Variants in BACH2 observed in about 807,000 individuals in gnomAD.
BACH2 encodes BACH transcriptional regulator 2, also known as transcription regulator protein BACH2.
A neutral mutation model predicts 61.8 loss-of-function variants in BACH2; 5 were observed. The ratio of observed to expected loss-of-function variants is 0.08; its 90% CI spans 0.04 to 0.17. The LOEUF is 0.17. Among genes scored for constraint, BACH2 ranks in the 10% least tolerant of loss-of-function variants. The probability of loss-of-function intolerance (pLI) is 1.00; values close to 1 mark genes in which losing one functional copy is unlikely to be tolerated. For missense variants in BACH2, 824 were observed against 1,091.1 expected (o/e 0.76, Z 3.45); for synonymous variants, 446 against 440.1 (o/e 1.01, Z -0.17).
intron 5 of BACH2, among the ~76,000 whole-genome samples, chr6:90,015,347 CAGTTTCCTAAGGTGGT>C (rs902486959): frequency 6.6e-6 from 1 of 151,322 alleles, no homozygotes; most frequent in African/African-American, 2.4e-5. Context: ...TTTTCTTTTC[CAGTTTCCTAAGGTGGT>C]AGTTGAGCCC....
chr6:90,021,983 G>A (rs560391658), intron 5 of BACH2, among the ~76,000 whole-genome samples: 3 of 152,152 alleles, frequency 2.0e-5, no homozygotes, highest in Admixed American at 6.5e-5. Flanking sequence ...ACTTGCAATT[G>A]TATCATCAAA....
intron 6 of BACH2, among the ~76,000 whole-genome samples, chr6:89,969,995 ATAAAAATCCTCTTCTACAC>A (rs1775272830): frequency 6.6e-6 from 1 of 152,224 alleles, no homozygotes; most frequent in South Asian, 2.1e-4. Flanking sequence ...CTTGGAAAAA[ATAAAAATCCTCTTCTACAC>A]TAAAGTAGGA....
chr6:90,256,531 T>G (rs1770984526), intron 2 of BACH2, among the ~76,000 whole-genome samples: 2 of 152,168 alleles, frequency 1.3e-5, no homozygotes, highest in Admixed American at 1.3e-4. Context: ...TCACCTACCA[T>G]TCATCAACAC....
chr6:90,294,009 C>T (rs946382085), intron 1 of BACH2, among the ~76,000 whole-genome samples: 41 of 152,132 alleles, frequency 2.7e-4, no homozygotes, highest in African/African-American at 9.7e-4. Context: ...AAAGTGAATC[C>T]TGATCCCCTC....
chr6:90,081,468 A>G (rs923239272), intron 5 of BACH2, among the ~76,000 whole-genome samples: 5 of 152,176 alleles, frequency 3.3e-5, no homozygotes, highest in African/African-American at 1.2e-4. Flanking sequence ...AACACCCTTC[A>G]ATTGCTGTAG....
chr6:90,160,221 T>C (rs544409985), intron 4 of BACH2, among the ~76,000 whole-genome samples: 1 of 152,320 alleles, frequency 6.6e-6, no homozygotes, highest in East Asian at 1.9e-4. Flanking sequence ...CGTGAGGCCT[T>C]AGACAATACA....
At chr6:90,279,727 T>C (rs1771803264) in intron 1 of BACH2, among the ~76,000 whole-genome samples, 1 of 152,204 alleles carries the variant, frequency 6.6e-6, no homozygotes, top group Non-Finnish European at 1.5e-5. Context: ...CATGAGACGT[T>C]TTCTCCATTT....
At chr6:90,031,264 A>T (rs1354221425) in intron 5 of BACH2, among the ~76,000 whole-genome samples, 1 of 152,024 alleles carries the variant, frequency 6.6e-6, no homozygotes, top group Non-Finnish European at 1.5e-5. Flanking sequence ...ATGGGCAAAA[A>T]CTGGAAGCAT....
intron 3 of BACH2, among the ~76,000 whole-genome samples, chr6:90,233,993 A>T (rs1770182652): frequency 6.6e-6 from 1 of 152,282 alleles, no homozygotes; most frequent in East Asian, 1.9e-4. Context: ...TTTTCCTGTT[A>T]GTCTGAAGAG....
chr6:90,282,262 G>A (rs951004962), intron 1 of BACH2, among the ~76,000 whole-genome samples: 1 of 152,096 alleles, frequency 6.6e-6, no homozygotes, highest in Non-Finnish European at 1.5e-5. Flanking sequence ...CATCACTCAG[G>A]TATTAGGCCT....
At chr6:89,972,456 C>T (rs966264260) in intron 6 of BACH2, among the ~76,000 whole-genome samples, 5 of 152,152 alleles carry the variant, frequency 3.3e-5, no homozygotes, top group Non-Finnish European at 7.3e-5. Flanking sequence ...CATCATGTTG[C>T]TTCTAACTAA....
chr6:90,082,671 C>A (rs1781774086), intron 5 of BACH2, among the ~76,000 whole-genome samples: 1 of 152,110 alleles, frequency 6.6e-6, no homozygotes, highest in Non-Finnish European at 1.5e-5. Context: ...TTATCTCTAC[C>A]TTTATTCAAT....
At chr6:90,246,505 T>G (rs935027395) in intron 3 of BACH2, among the ~76,000 whole-genome samples, 1 of 152,140 alleles carries the variant, frequency 6.6e-6, no homozygotes, top group African/African-American at 2.4e-5. Flanking sequence ...TATTGATGTC[T>G]AATGTAGTAC....
intron 4 of BACH2, among the ~76,000 whole-genome samples, chr6:90,173,280 A>G (rs1767878987): frequency 6.6e-6 from 1 of 152,166 alleles, no homozygotes; most frequent in East Asian, 1.9e-4. Flanking sequence ...ACATCAACTG[A>G]ATATTTTACT....
At chr6:89,975,959 C>T (rs760370902) in intron 6 of BACH2, among the ~76,000 whole-genome samples, 14 of 152,160 alleles carry the variant, frequency 9.2e-5, no homozygotes, top group South Asian at 4.1e-4. Context: ...ACTGTGTCAG[C>T]GACAGACACA....
At position 90,248,968 on chromosome 6, in the gene BACH2, G is replaced by A. The variant is rs573837764; in HGVS notation, c.-275+3545C>T. 1.1e-4 allele frequency among the ~76,000 whole-genome samples: 16 copies of A among 152,232 alleles called. 1 individual carries two copies. The South Asian group carries it at 2.9e-3, about 28-fold the overall frequency. ...TCAAAAGAAGGAGTTAAAAATTTGGGAAGGTTTTATACATTTTCCTGTTAA... is the reference window on the plus strand; with the variant it reads ...TCAAAAGAAGGAGTTAAAAATTTGGAAAGGTTTTATACATTTTCCTGTTAA... On this transcript the variant is annotated intron_variant, in intron 3 of 8. Transcript: ENST00000257749.
intron 4 of BACH2, chr6:90,116,981 C>A: frequency 2.6e-6 from 1 of 378,834 alleles, no homozygotes. Flanking sequence ...ACATGGGTTG[C>A]TCCTTCTTTC....
intron 1 of BACH2, among the ~76,000 whole-genome samples, chr6:90,273,098 C>T (rs553380560): frequency 1.3e-5 from 2 of 152,290 alleles, no homozygotes; most frequent in Admixed American, 1.3e-4. Context: ...CAGTGGCTCA[C>T]ACCTGTAACC....
intron 2 of BACH2, among the ~76,000 whole-genome samples, chr6:90,264,665 G>C (rs1376336572): frequency 1.3e-5 from 2 of 152,202 alleles, no homozygotes; most frequent in African/African-American, 2.4e-5. Flanking sequence ...GACTCAATTT[G>C]CACATCCTGG....
Sources: allele counts gnomAD v4.1 joint callset (sites outside exome capture counted in the v4.1 genomes callset), GRCh38; gene constraint gnomAD v4.1.1; transcripts MANE v1.5; gene names NCBI Gene and HGNC (gene_info 2026-07-23, HGNC 2026-07-21).